The following MICAL2 variants were observed in gnomAD, a reference collection of about 807,000 sequenced individuals.
The protein encoded by MICAL2 is microtubule associated monooxygenase, calponin and LIM domain containing 2.
In MICAL2, 77 loss-of-function variants were observed where a neutral mutation model predicts 127.3. The observed-to-expected ratio is 0.60, with a 90% CI of 0.50 to 0.73. The LOEUF (loss-of-function observed/expected upper bound fraction) is 0.73, where lower values mean the gene tolerates loss of function less well. MICAL2 is among the 30% of genes least tolerant of loss of function. The pLI is 0.00. For missense variants in MICAL2, 1,351 were observed against 1,434.4 expected (o/e 0.94, Z 0.94); for synonymous variants, 570 against 551.1 (o/e 1.03, Z -0.48).
At chr11:12,213,078 CT>C (rs3214984) in intron 6 of MICAL2, among the ~76,000 whole-genome samples, 176 bp from the exon 7 acceptor site, 1 of 151,970 alleles carries the variant, frequency 6.6e-6, no homozygotes, top group East Asian at 1.9e-4. Context: ...GTCTCACTGA[CT>C]TTTAAAAGCC....
chr11:12,220,560 G>A, intron 9 of MICAL2, 102 bp downstream of exon 9: 1 of 1,465,032 alleles, frequency 6.8e-7, no homozygotes, highest in South Asian at 1.4e-5. Flanking sequence ...GAGAGGACAG[G>A]CTCTCAGCCA....
chr11:12,336,079 C>T (rs1200404431), intron 32 of MICAL2, among the ~76,000 whole-genome samples: 10 of 152,152 alleles, frequency 6.6e-5, no homozygotes, highest in Non-Finnish European at 2.9e-5. Context: ...TTCTTCCTAC[C>T]CATGAGCATG....
intron 2 of MICAL2, among the ~76,000 whole-genome samples, chr11:12,284,428 T>C (rs1590720612): frequency 6.6e-6 from 1 of 152,154 alleles, no homozygotes; most frequent in Non-Finnish European, 1.5e-5. Context: ...CAGCCCACTT[T>C]ATGCTGCTCA....
chr11:12,215,918 C>T (rs559217025), intron 7 of MICAL2, among the ~76,000 whole-genome samples: 13 of 152,266 alleles, frequency 8.5e-5, no homozygotes, highest in African/African-American at 1.4e-4. Flanking sequence ...TGGCCATGGC[C>T]GGCACTTGGC....
chr11:12,283,799 A>G (rs1056347716), intron 2 of MICAL2, among the ~76,000 whole-genome samples: 15 of 152,254 alleles, frequency 9.9e-5, no homozygotes, highest in African/African-American at 3.6e-4. Context: ...ACATCCTCAA[A>G]GTTCACAGAG....
chr11:12,327,269 A>C (rs1366849237), intron 32 of MICAL2: 1 of 1,549,306 alleles, frequency 6.5e-7, no homozygotes, highest in Non-Finnish European at 8.7e-7. Context: ...AGAAGCAGGT[A>C]CGGCATCCCA....
At chr11:12,116,351 ATTTTTTTTTTT>A (rs56280931) in intron 1 of MICAL2, among the ~76,000 whole-genome samples, 7 of 107,728 alleles carry the variant, frequency 6.5e-5, no homozygotes, top group Non-Finnish European at 3.6e-5. Context: ...CTTGATTTTG[ATTTTTTTTTTT>A]TTTTTTTTTT....
At chr11:12,261,563 G>A in intron 26 of MICAL2, 10 of 985,504 alleles carry the variant, frequency 1.0e-5, no homozygotes, top group Non-Finnish European at 1.2e-5. Flanking sequence ...TGGAGTTGCT[G>A]GGCCCAAGAT....
chr11:12,324,850 C>A (rs2134848838), intron 31 of MICAL2, among the ~76,000 whole-genome samples: 1 of 152,336 alleles, frequency 6.6e-6, no homozygotes, highest in African/African-American at 2.4e-5. Flanking sequence ...ACCTCTTTCA[C>A]CTAGTGAATG....
intron 3 of MICAL2, among the ~76,000 whole-genome samples, chr11:12,181,368 A>T (rs907357426): frequency 6.6e-6 from 1 of 152,240 alleles, no homozygotes; most frequent in Non-Finnish European, 1.5e-5. Context: ...ATTCTCGATT[A>T]AAGTCCTGGT....
At chr11:12,285,656 G>C (rs984737667) in intron 2 of MICAL2, among the ~76,000 whole-genome samples, 1 of 152,214 alleles carries the variant, frequency 6.6e-6, no homozygotes, top group East Asian at 1.9e-4. Context: ...GGAAAGAGAG[G>C]AGCTGAAGGA....
intron 17 of MICAL2, among the ~76,000 whole-genome samples, chr11:12,240,642 C>T (rs1052692779): frequency 2.0e-5 from 3 of 152,230 alleles, no homozygotes; most frequent in African/African-American, 7.2e-5. Context: ...CCATCAGAAG[C>T]ACCGGAGCGT....
intron 15 of MICAL2, among the ~76,000 whole-genome samples, chr11:12,235,086 C>T (rs1315110765): frequency 6.6e-6 from 1 of 152,144 alleles, no homozygotes; most frequent in Admixed American, 6.5e-5. Context: ...TTGGAGAAGG[C>T]TCCCGTGGCT....
chr11:12,173,314 G>C (rs7932150), intron 3 of MICAL2, among the ~76,000 whole-genome samples: 36,436 of 152,116 alleles, frequency 0.24, 4,582 homozygotes, highest in Admixed American at 0.26. Context: ...TTCTGCAGGG[G>C]ACAGCTGTCA....
At chr11:12,321,884 G>A (rs964192247) in intron 30 of MICAL2, among the ~76,000 whole-genome samples, 1 of 151,878 alleles carries the variant, frequency 6.6e-6, no homozygotes, top group Non-Finnish European at 1.5e-5. Context: ...GGGAACATTG[G>A]CATTTCTTTT....
chr11:12,187,442 C>G (rs961102523), intron 3 of MICAL2, among the ~76,000 whole-genome samples: 2 of 152,194 alleles, frequency 1.3e-5, no homozygotes, highest in Non-Finnish European at 2.9e-5. Context: ...AACACTTCCC[C>G]CTCTGGGGCA....
intron 1 of MICAL2, among the ~76,000 whole-genome samples, chr11:12,119,132 C>T (rs573065914): frequency 7.9e-4 from 121 of 152,246 alleles, no homozygotes; most frequent in African/African-American, 2.7e-3. Flanking sequence ...CCCTCTTCTC[C>T]GTTTCCCTGG....
intron 30 of MICAL2, among the ~76,000 whole-genome samples, chr11:12,320,872 G>A (rs1864287021): frequency 6.6e-6 from 1 of 152,052 alleles, no homozygotes; most frequent in African/African-American, 2.4e-5. Context: ...GGAGAAAGAT[G>A]TATGAATTTC....
At chr11:12,119,328 T>C (rs1850313065) in intron 1 of MICAL2, among the ~76,000 whole-genome samples, 1 of 152,194 alleles carries the variant, frequency 6.6e-6, no homozygotes. Context: ...TTTTTAAAGA[T>C]CTTTAATTGG....
Sources: gnomAD v4.1 joint callset for allele counts (sites outside exome capture counted in the v4.1 genomes callset) on GRCh38, gnomAD v4.1.1 for gene constraint, MANE v1.5 for transcripts, NCBI Gene and HGNC (gene_info 2026-07-23, HGNC 2026-07-21) for gene names.